ZNF730: variants seen among roughly 807,000 people sequenced by gnomAD.
ZNF730 encodes zinc finger protein 730.
A neutral mutation model predicts 12.6 loss-of-function variants in ZNF730; 12 were observed. The observed-to-expected ratio is 0.95, with a 90% CI of 0.61 to 1.54. The LOEUF (loss-of-function observed/expected upper bound fraction) is 1.54, where lower values mean the gene tolerates loss of function less well. Among genes scored for constraint, ZNF730 ranks in the 40% most tolerant of loss-of-function variants. The pLI is 0.00. For missense variants in ZNF730, 643 were observed against 583.5 expected (o/e 1.10, Z -1.05); for synonymous variants, 194 against 195.8 (o/e 0.99, Z 0.08).
At chr19:23,102,361 A>G (rs1278475741) in intron 1 of ZNF730, among the ~76,000 whole-genome samples, 1 of 152,152 alleles carries the variant, frequency 6.6e-6, no homozygotes, top group Non-Finnish European at 1.5e-5. Flanking sequence ...GCCTTCAGAA[A>G]AGATTGTGAT....
intron 1 of ZNF730, among the ~76,000 whole-genome samples, chr19:23,078,907 C>T (rs1431487564): frequency 1.3e-5 from 2 of 151,916 alleles, no homozygotes; most frequent in Non-Finnish European, 2.9e-5. Context: ...TGGGTTCAAG[C>T]GATTCTCCTG....
intron 1 of ZNF730, among the ~76,000 whole-genome samples, chr19:23,087,640 G>A (rs1367366299): frequency 1.3e-5 from 2 of 148,862 alleles, no homozygotes; most frequent in African/African-American, 5.0e-5. Context: ...TTTTGAGACG[G>A]AGTTTGCTCT....
At position 23,145,721 on chromosome 19, in the gene ZNF730, A is replaced by T. The variant is rs779114237; in HGVS notation, c.677A>T (p.Lys226Ile). Residue 226 changes from lysine to isoleucine, a missense_variant, in exon 4 of 4, where the codon AAA becomes ATA. Lys to Ile is a moderately radical substitution (Grantham distance 102). Coordinates refer to ENST00000597761, the MANE Select transcript of ZNF730 (RefSeq NM_001277403.2). ...CTTHKRITEK[K>I]PYKCKECGKA... Reference sequence around the variant, plus strand: ...ACACATAAAAGAATTACTGAGAAAAAACCTTACAAATGTAAAGAATGTGGC... The same window carrying T: ...ACACATAAAAGAATTACTGAGAAAATACCTTACAAATGTAAAGAATGTGGC... 23 of 1,557,222 alleles carry T rather than the reference A, an allele frequency of 1.5e-5. No homozygotes were observed. In the Admixed American group the frequency reaches 3.1e-4, roughly 21 times the overall value.
chr19:23,081,930 G>A (rs1262829273), intron 1 of ZNF730, among the ~76,000 whole-genome samples: 1 of 152,096 alleles, frequency 6.6e-6, no homozygotes, highest in African/African-American at 2.4e-5. Flanking sequence ...TTTATTTTTT[G>A]TAGAGATGAG....
rs77685781 is a variant in ZNF730, at chr19:23,109,213, T to C, written c.-93-24867T>C. Among the ~76,000 whole-genome samples, 160 of 152,260 alleles carry C rather than the reference T, an allele frequency of 1.1e-3. 2 individuals are homozygous for C. In the East Asian group the frequency reaches 0.03, roughly 28 times the overall value. On this transcript the variant is annotated intron_variant, in intron 1 of 2. Coordinates refer to the ZNF730 transcript ENST00000593635. ...TTAATATTTTAATAAATGTTATTAATGTTTATTTCAAAATGTATGAAATTT... is the reference window on the plus strand; with the variant it reads ...TTAATATTTTAATAAATGTTATTAACGTTTATTTCAAAATGTATGAAATTT...
upstream of ZNF730, chr19:23,117,009 T>C: frequency 7.3e-6 from 8 of 1,099,552 alleles, no homozygotes; most frequent in Non-Finnish European, 9.6e-6. Context: ...CAGGGCGGCT[T>C]CCGGGATTTG....
chr19:23,077,056 G>A (rs1476800775), intron 1 of ZNF730, among the ~76,000 whole-genome samples: 2 of 152,102 alleles, frequency 1.3e-5, no homozygotes, highest in Non-Finnish European at 2.9e-5. Flanking sequence ...GGAGCTGTAG[G>A]CTGTTATCCT....
Position 23,145,697 on chromosome 19 carries a change from C to T in ZNF730, c.653C>T (p.Thr218Ile). 1.3e-6 allele frequency: 2 copies of T among 1,555,298 alleles called. No individual in the cohort carries two copies. The highest frequency in any genetic ancestry group is 1.7e-6 in the Non-Finnish European group (2 of 1,151,100). Reference sequence around the variant, plus strand: ...TTTAATGAGTCCTCAAACTGTACTACACATAAAAGAATTACTGAGAAAAAA... The same window carrying T: ...TTTAATGAGTCCTCAAACTGTACTATACATAAAAGAATTACTGAGAAAAAA... The part of the protein sequence containing the change: ...KAFNESSNCT[T>I]HKRITEKKPY... Residue 218 changes from threonine (T) to isoleucine (I), a missense_variant, in exon 4 of 4, where the codon ACA becomes ATA. By Grantham distance (89) the Thr-to-Ile change is moderately conservative. Transcript: ENST00000597761.
intron 1 of ZNF730, among the ~76,000 whole-genome samples, chr19:23,100,678 C>T (rs1402476634): frequency 3.0e-5 from 3 of 98,620 alleles, no homozygotes; most frequent in African/African-American, 1.2e-4. Flanking sequence ...TTTTTTGAGA[C>T]AGAATCTTGC....
intron 1 of ZNF730, among the ~76,000 whole-genome samples, chr19:23,100,716 T>C (rs1970326924): frequency 6.9e-6 from 1 of 144,828 alleles, no homozygotes; most frequent in Non-Finnish European, 1.5e-5. Flanking sequence ...AGTGCAGTGA[T>C]GCAATCTTGG....
At chr19:23,137,207 T>C (rs1374336115) in intron 3 of ZNF730, among the ~76,000 whole-genome samples, 3 of 152,148 alleles carry the variant, frequency 2.0e-5, no homozygotes, top group Non-Finnish European at 4.4e-5. Context: ...GCAACAATAT[T>C]TATTCTTTCC....
intron 1 of ZNF730, among the ~76,000 whole-genome samples, chr19:23,119,852 T>C (rs1970577549): frequency 6.6e-6 from 1 of 152,138 alleles, no homozygotes; most frequent in African/African-American, 2.4e-5. Flanking sequence ...AGAATGATGC[T>C]GCTTTTATAT....
At chr19:23,118,647 A>G (rs1970562228) in intron 1 of ZNF730, among the ~76,000 whole-genome samples, 1 of 152,136 alleles carries the variant, frequency 6.6e-6, no homozygotes, top group Admixed American at 6.5e-5. Context: ...AGACATTAAC[A>G]TTGTCTTCAC....
intron 3 of ZNF730, among the ~76,000 whole-genome samples, chr19:23,141,246 T>A (rs949554414): frequency 1.3e-5 from 2 of 151,516 alleles, no homozygotes; most frequent in African/African-American, 2.4e-5. Flanking sequence ...TACAAAAAAA[T>A]TAGCCGGGTG....
chr19:23,093,343 T>C (rs1488101536), intron 1 of ZNF730, among the ~76,000 whole-genome samples: 2 of 152,222 alleles, frequency 1.3e-5, no homozygotes, highest in Non-Finnish European at 2.9e-5. Context: ...TCTGGTGGAA[T>C]TCAACTGTGA....
At chr19:23,142,274 G>A (rs1429538446) in intron 3 of ZNF730, among the ~76,000 whole-genome samples, 1 of 150,304 alleles carries the variant, frequency 6.7e-6, no homozygotes, top group Non-Finnish European at 1.5e-5. Flanking sequence ...TTTGCATGAA[G>A]CATCTACTTC....
At chr19:23,093,669 A>C in intron 1 of ZNF730, among the ~76,000 whole-genome samples, 1 of 152,140 alleles carries the variant, frequency 6.6e-6, no homozygotes, top group South Asian at 2.1e-4. Flanking sequence ...TAAGGCCCTG[A>C]GGGCCCAGAG....
At chr19:23,132,832 A>G (rs1163004123) in intron 1 of ZNF730, among the ~76,000 whole-genome samples, 1 of 152,236 alleles carries the variant, frequency 6.6e-6, no homozygotes, top group African/African-American at 2.4e-5. Flanking sequence ...TGCTAAAGAA[A>G]GACTATTTAA....
intron 1 of ZNF730, among the ~76,000 whole-genome samples, chr19:23,096,572 T>C (rs1159092308): frequency 6.6e-6 from 1 of 152,180 alleles, no homozygotes; most frequent in Non-Finnish European, 1.5e-5. Flanking sequence ...GGGTGTTTGT[T>C]ACATATAGCT....
Sources: allele counts gnomAD v4.1 joint callset (sites outside exome capture counted in the v4.1 genomes callset), GRCh38; gene constraint gnomAD v4.1.1; transcripts MANE v1.5; gene names NCBI Gene and HGNC (gene_info 2026-07-23, HGNC 2026-07-21).